Variants in RNASET2 observed in about 807,000 individuals in gnomAD.
RNASET2 encodes the protein ribonuclease T2.
In RNASET2, 28 loss-of-function variants were observed where a neutral mutation model predicts 33.9. The ratio of observed to expected loss-of-function variants is 0.83; its 90% CI spans 0.61 to 1.13. The LOEUF (loss-of-function observed/expected upper bound fraction) is 1.13. Ranked by LOEUF, RNASET2 falls within the 50% of genes most tolerant of loss-of-function variation. RNASET2 has a pLI of 0.00. For synonymous variants in RNASET2, 123 were observed against 121.0 expected, an observed-to-expected ratio of 1.02 and a Z score of -0.11; for missense variants, 330 against 319.9, an observed-to-expected ratio of 1.03 and a Z score of -0.24.
chr6:166,943,062 A>G lies in RNASET2; in HGVS notation c.289T>C (p.Trp97Arg), dbSNP rs762498853. ...GGAAACGAGTGAATTACGTCAGGCCAGTATGCCCTCATTTCTGGCAAAAGA... is the reference window on the plus strand; with the variant it reads ...GGAAACGAGTGAATTACGTCAGGCCGGTATGCCCTCATTTCTGGCAAAAGA... ...KDLLPEMRAY[W>R]PDVIHSFPNR... Residue 97 changes from tryptophan (W) to arginine (R), a missense_variant, in exon 5 of 9, where the codon TGG (tryptophan) becomes CGG (arginine). Trp to Arg is a moderately radical substitution (Grantham distance 101). Coordinates refer to ENST00000508775, the MANE Select transcript of RNASET2 (RefSeq NM_003730.6). 6.2e-7 allele frequency: 1 copy of G among 1,613,718 alleles called. No individual in the cohort carries two copies. The highest frequency in any genetic ancestry group is 1.7e-5 in the Admixed American group (1 of 60,008).
At chr6:166,934,413 A>T in intron 6 of RNASET2, 2 of 442,638 alleles carry the variant, frequency 4.5e-6, no homozygotes, top group East Asian at 8.8e-5. Flanking sequence ...GCCACCACCG[A>T]GTGGAGCTGG....
chr6:166,922,353 C>A lies in RNASET2; in HGVS notation c.*7235G>T, dbSNP rs1323131945. Among the ~76,000 whole-genome samples, 1 of 152,174 alleles carries A rather than the reference C, an allele frequency of 6.6e-6. No individual in the cohort carries two copies. The highest frequency in any genetic ancestry group is 1.5e-5 in the Non-Finnish European group (1 of 68,026). ...TAATATCTTACACCTCATCTCTCATCATCAGCAAGTTGCATCCCACTGACC... is the reference window on the plus strand; with the variant it reads ...TAATATCTTACACCTCATCTCTCATAATCAGCAAGTTGCATCCCACTGACC... On this transcript the variant is annotated 3_prime_UTR_variant, in exon 9 of 9. Coordinates refer to ENST00000508775, the MANE Select transcript of RNASET2 (RefSeq NM_003730.6).
chr6:166,956,065 C>G (rs760612205), intron 1 of RNASET2, 32 bp downstream of exon 1: 9 of 1,545,156 alleles, frequency 5.8e-6, no homozygotes, highest in Non-Finnish European at 7.9e-6. Flanking sequence ...CCGGCTCCCA[C>G]GCTCCCCACT....
chr6:166,953,972 G>C (rs772040230), intron 1 of RNASET2, among the ~76,000 whole-genome samples: 1 of 151,770 alleles, frequency 6.6e-6, no homozygotes, highest in African/African-American at 2.4e-5. Context: ...TTACATAGTC[G>C]GAACCTGAGG....
intron 3 of RNASET2, among the ~76,000 whole-genome samples, chr6:166,948,036 T>G (rs1778889957): frequency 6.6e-6 from 1 of 152,088 alleles, no homozygotes; most frequent in South Asian, 2.1e-4. Context: ...ACCGAGAATC[T>G]GTAAACACTA....
rs1318868173 is a variant in RNASET2 at position 166,955,758 on chromosome 6, C to T, written c.86+339G>A. 4.1e-6 allele frequency: 5 copies of T among 1,226,694 alleles called. No individual in the cohort carries two copies. The East Asian group carries it at 1.4e-4, about 35-fold the overall frequency. The allele number at this position is 1,226,694 out of a possible 1,614,324, so 76.0% of individuals were successfully genotyped here. A position where few individuals can be genotyped will look rare whatever the true frequency, so the allele number is the denominator to read the frequency against. On this transcript the variant is annotated intron_variant, in intron 1 of 8. Coordinates refer to ENST00000508775, the MANE Select transcript of RNASET2 (RefSeq NM_003730.6). ...CCAACCCACTTCTTCCCAGGAGTCACCCCAGAGCGTGCCCAGGGCTCCCCC... is the reference window on the plus strand; with the variant it reads ...CCAACCCACTTCTTCCCAGGAGTCATCCCAGAGCGTGCCCAGGGCTCCCCC...
Position 166,956,321 on chromosome 6 carries a change from ACC to A in RNASET2, c.-141_-140del. 1 of 820,556 alleles carries A rather than the reference ACC, an allele frequency of 1.2e-6. No homozygotes were observed. Among genetic ancestry groups the A allele is most frequent in the Non-Finnish European group, 2.0e-6 (1 of 499,374 alleles). 50.8% of individuals were successfully genotyped at this position (820,556 alleles called of 1,614,324 possible). A position where few individuals can be genotyped will look rare whatever the true frequency, so the allele number is the denominator to read the frequency against. On this transcript the variant is annotated 5_prime_UTR_variant, in exon 1 of 9. Transcript: ENST00000508775. ...CGCTCCCTCCGCTGCAGCAGCGGCC[ACC>A]GGGTGCGCCCGGAGCCCTGGGACGG...
chr6:166,936,809 C>A (rs139710097), intron 6 of RNASET2, among the ~76,000 whole-genome samples: 7 of 152,214 alleles, frequency 4.6e-5, no homozygotes, highest in Non-Finnish European at 1.0e-4. Context: ...TGAGTTTCAA[C>A]GAGTGTAAGT....
At chr6:166,955,414 C>CAT in intron 1 of RNASET2, 1 of 651,006 alleles carries the variant, frequency 1.5e-6, no homozygotes, top group Non-Finnish European at 1.9e-6. Context: ...CACACGCGCA[C>CAT]ACACACACAC....
At chr6:166,950,318 C>T (rs1460961294) in intron 2 of RNASET2, among the ~76,000 whole-genome samples, 1 of 152,230 alleles carries the variant, frequency 6.6e-6, no homozygotes, top group East Asian at 1.9e-4. Context: ...CTTCCGGCTC[C>T]TTCTGTCCAC....
At chr6:166,934,179 C>A (rs766015176) in intron 6 of RNASET2, 43 bp from the exon 7 acceptor site, 1 of 1,285,342 alleles carries the variant, frequency 7.8e-7, no homozygotes, top group Admixed American at 1.7e-5. Flanking sequence ...AATGAAGGTC[C>A]ACTTTGCTTT....
intron 4 of RNASET2, chr6:166,944,184 C>T: frequency 6.5e-6 from 1 of 153,730 alleles, no homozygotes; most frequent in Non-Finnish European, 1.4e-5. Flanking sequence ...CTCTCCTTTT[C>T]CCAGAGAAGA....
At position 166,923,177 on chromosome 6, in the gene RNASET2, C is replaced by T. The variant is rs1778257759; in HGVS notation, c.*6411G>A. 6.6e-6 allele frequency among the ~76,000 whole-genome samples: 1 copy of T among 151,418 alleles called. No individual in the cohort carries two copies. Among genetic ancestry groups the T allele is most frequent in the African/African-American group, 2.4e-5 (1 of 41,026 alleles). ...TGGCGCAATCTCCACTCACTGCAACCTCCAGCCTCCCAGAGGGCTGGGATT... is the reference window on the plus strand; with the variant it reads ...TGGCGCAATCTCCACTCACTGCAACTTCCAGCCTCCCAGAGGGCTGGGATT... On this transcript the variant is annotated 3_prime_UTR_variant, in exon 9 of 9. Transcript: ENST00000508775.
rs568035503 is a variant in RNASET2, at chr6:166,942,201, C to T, written c.332+818G>A. Among the ~76,000 whole-genome samples the T allele has an allele frequency of 3.9e-5, 6 of 151,916 alleles. No homozygotes were observed. The East Asian group carries it at 5.9e-4, about 15-fold the overall frequency. Reference sequence around the variant, plus strand: ...CCAAGTAGCTGGGATTACAAGCGTACGCCATCATGCCCAGCTAATTTTTGT... The same window carrying T: ...CCAAGTAGCTGGGATTACAAGCGTATGCCATCATGCCCAGCTAATTTTTGT... On this transcript the variant is annotated intron_variant, in intron 5 of 8. Transcript: ENST00000508775.
Position 166,923,481 on chromosome 6 carries a change from A to G in RNASET2, c.*6107T>C, listed in dbSNP as rs1778263490. ...GTGATCCGCCCACCTCGGCCTCCCAAGGTGCTAGGATTACAGGTATAAGCC... is the reference window on the plus strand; with the variant it reads ...GTGATCCGCCCACCTCGGCCTCCCAGGGTGCTAGGATTACAGGTATAAGCC... On this transcript the variant is annotated 3_prime_UTR_variant, in exon 9 of 9. Transcript: ENST00000508775. Among the ~76,000 whole-genome samples, 1 of 151,968 alleles carries G rather than the reference A, an allele frequency of 6.6e-6. No individual in the cohort carries two copies. Among genetic ancestry groups the G allele is most frequent in the African/African-American group, 2.4e-5 (1 of 41,342 alleles).
chr6:166,951,791 C>A (rs746116775), intron 2 of RNASET2, among the ~76,000 whole-genome samples: 5 of 152,186 alleles, frequency 3.3e-5, no homozygotes, highest in Admixed American at 2.0e-4. Flanking sequence ...TATATATTTT[C>A]TTTATTATAC....
intron 8 of RNASET2, 64 bp downstream of exon 8, chr6:166,930,980 G>T: frequency 9.0e-7 from 1 of 1,114,000 alleles, no homozygotes; most frequent in Non-Finnish European, 1.4e-6. Flanking sequence ...TGAAGACAAG[G>T]CCATCAGAAA....
In RNASET2 at chr6:166,923,100, C is replaced by A. The variant is rs766566170; in HGVS notation, c.*6488G>T. On this transcript the variant is annotated 3_prime_UTR_variant, in exon 9 of 9. Coordinates refer to ENST00000508775, the MANE Select transcript of RNASET2 (RefSeq NM_003730.6). The stretch of plus-strand genomic sequence containing the variant: ...CTTAACTTTATCCATCTCAAACTTT[C>A]TTTTGGAGATGGAGTCTCACTCTGT... Among the ~76,000 whole-genome samples the A allele has an allele frequency of 2.6e-5, 4 of 152,188 alleles. No individual in the cohort carries two copies. Among genetic ancestry groups the A allele is most frequent in the Non-Finnish European group, 4.4e-5 (3 of 68,026 alleles).
At chr6:166,934,630 T>C (rs1348663048) in intron 6 of RNASET2, 1 of 195,882 alleles carries the variant, frequency 5.1e-6, no homozygotes, top group African/African-American at 2.4e-5. Context: ...TGTTGAGATA[T>C]GTTTAGATAC....
Sources: allele counts gnomAD v4.1 joint callset (sites outside exome capture counted in the v4.1 genomes callset), GRCh38; gene constraint gnomAD v4.1.1; transcripts MANE v1.5; gene names NCBI Gene and HGNC (gene_info 2026-07-23, HGNC 2026-07-21).